GRIN2C: variants seen among roughly 807,000 people sequenced by gnomAD.
GRIN2C encodes the protein glutamate ionotropic receptor NMDA type subunit 2C.
A neutral mutation model predicts 77.7 loss-of-function variants in GRIN2C; 64 were observed. That is an observed-to-expected ratio of 0.82 (90% CI 0.67 to 1.01). The LOEUF is 1.01. Among genes scored for constraint, GRIN2C ranks in the 50% least tolerant of loss-of-function variants. The pLI, the probability that GRIN2C is intolerant of heterozygous loss-of-function variation, is 0.00. For synonymous variants in GRIN2C, 792 were observed against 643.4 expected, an observed-to-expected ratio of 1.23 and a Z score of -3.49; for missense variants, 1,549 against 1,486.0, an observed-to-expected ratio of 1.04 and a Z score of -0.70.
chr17:74,844,649 A>T, intron 11 of GRIN2C, 141 bp from the exon 12 acceptor site: 1 of 1,429,798 alleles, frequency 7.0e-7, no homozygotes, highest in Non-Finnish European at 9.2e-7. Flanking sequence ...CCACATGGGG[A>T]TCCAGCCTGG....
At chr17:74,861,362 G>C (rs902362840), upstream of GRIN2C, 2 of 152,092 alleles carry the variant, frequency 1.3e-5, no homozygotes, top group Admixed American at 1.3e-4. Context: ...TTGCTCGCGC[G>C]CCGCGGGAAC....
chr17:74,858,947 G>A (rs2037888227), intron 1 of GRIN2C, among the ~76,000 whole-genome samples: 1 of 152,118 alleles, frequency 6.6e-6, no homozygotes, highest in South Asian at 2.1e-4. Context: ...CACCTGCCTT[G>A]ATGCCTCAGG....
At chr17:74,858,435 A>G (rs559058439) in intron 1 of GRIN2C, among the ~76,000 whole-genome samples, 2 of 152,162 alleles carry the variant, frequency 1.3e-5, no homozygotes, top group South Asian at 4.1e-4. Flanking sequence ...GAATACCTCC[A>G]GAGCCAGGGG....
Position 74,851,660 on chromosome 17 carries a change from C to G in GRIN2C, c.1030G>C (p.Asp344His), listed in dbSNP as rs1248033536. 12 of 1,572,710 alleles carry G rather than the reference C, an allele frequency of 7.6e-6. No individual in the cohort carries two copies. The highest frequency in any genetic ancestry group is 1.0e-5 in the Non-Finnish European group (12 of 1,158,444). ...HLLNVTWEGR[D>H]FSFSPGGYLV... ...TACCCACCAGGGCTGAAGGAGAAGT[C>G]TCGGCCCTCCCAGGTGACATTCAGT... The change falls in exon 4 of 13, where the codon GAC becomes CAC. Residue 344 changes from aspartate (D) to histidine (H), a missense_variant. Coordinates refer to ENST00000293190, the MANE Select transcript of GRIN2C (RefSeq NM_000835.6).
chr17:74,843,264 G>T lies in GRIN2C; in HGVS notation c.2873C>A (p.Thr958Lys). ...TPDPPPEPSP[T>K]GWGPPDGGRA... is the part of the protein sequence containing the mutation. Reference sequence around the variant, plus strand: ...ACCCCCGTCTGGCGGTCCCCAGCCCGTGGGGCTCGGCTCTGGGGGCGGGTC... The same window carrying T: ...ACCCCCGTCTGGCGGTCCCCAGCCCTTGGGGCTCGGCTCTGGGGGCGGGTC... The change falls in exon 13 of 13, where the codon ACG becomes AAG. Residue 958 changes from threonine (T) to lysine (K), a missense_variant. By Grantham distance (78) the Thr-to-Lys change is moderately conservative (BLOSUM62 -1). Transcript: ENST00000293190. 1 of 876,164 alleles carries T rather than the reference G, an allele frequency of 1.1e-6. No homozygotes were observed. The highest frequency in any genetic ancestry group is 1.6e-6 in the Non-Finnish European group (1 of 622,510). The allele number at this position is 876,164 out of a possible 1,614,324, so 54.3% of individuals were successfully genotyped here. A position where few individuals can be genotyped will look rare whatever the true frequency, so the allele number is the denominator to read the frequency against.
rs1598492845 is a variant in GRIN2C at position 74,854,487 on chromosome 17, G to C, written c.399+207C>G. 9.0e-6 allele frequency: 5 copies of C among 553,886 alleles called. No individual in the cohort carries two copies. In the South Asian group the frequency reaches 1.3e-4, roughly 14 times the overall value. 34.3% of individuals were successfully genotyped at this position (553,886 alleles called of 1,614,324 possible). ...CTGCACCCTGCCCACCCCTCATCCAGACACAATGTGAGGTCAGCCCAGAAT... is the reference window on the plus strand; with the variant it reads ...CTGCACCCTGCCCACCCCTCATCCACACACAATGTGAGGTCAGCCCAGAAT... On this transcript the variant is annotated intron_variant, in intron 2 of 12. Coordinates refer to ENST00000293190, the MANE Select transcript of GRIN2C (RefSeq NM_000835.6).
At position 74,846,157 on chromosome 17, in the gene GRIN2C, G is replaced by A. The variant is rs781087998; in HGVS notation, c.2259C>T (p.Val753=). Residue 753 remains valine (V), a synonymous_variant, in exon 11 of 13, where the codon GTC becomes GTT. Transcript: ENST00000293190. This position sits in a 1 kb window ranked among gnomAD's most constrained non-coding sequence, Gnocchi z 4.4. Reference sequence around the variant, plus strand: ...CGATGCCGTAGCCAGTGGTAGCAAAGACCTTGCCAGACCCAATGGTGACCA... The same window carrying A: ...CGATGCCGTAGCCAGTGGTAGCAAAAACCTTGCCAGACCCAATGGTGACCA... The part of the protein sequence containing the change: ...CKLVTIGSGK[V]FATTGYGIAM... The A allele has an allele frequency of 6.2e-7, 1 of 1,614,174 alleles. No homozygotes were observed.
chr17:74,850,364 C>T lies in GRIN2C; in HGVS notation c.1333G>A (p.Asp445Asn). The T allele has an allele frequency of 2.5e-6, 4 of 1,611,510 alleles. No individual in the cohort carries two copies. The highest frequency in any genetic ancestry group is 2.2e-5 in the East Asian group (1 of 44,880). ...CAGAGCTTGGTGTAGGGGGCCACGTCCCCGCTGCTGCAGCCATGCCGCCAT... is the reference window on the plus strand; with the variant it reads ...CAGAGCTTGGTGTAGGGGGCCACGTTCCCGCTGCTGCAGCCATGCCGCCAT... Reference protein sequence around the residue: ...RQSNHTFSSGDVAPYTKLCCK... With the variant: ...RQSNHTFSSGNVAPYTKLCCK... Residue 445 changes from aspartate to asparagine, a missense_variant, in exon 6 of 13, where the codon GAC becomes AAC. This residue lies in a region of GRIN2C where 717 missense variants were observed against 858.1 expected (regional missense o/e 0.84). Transcript: ENST00000293190. This position sits in a 1 kb window ranked among gnomAD's most constrained non-coding sequence, Gnocchi z 5.3.
chr17:74,846,783 G>A lies in GRIN2C; in HGVS notation c.2139C>T (p.Asp713=), dbSNP rs770475644. The change falls in exon 10 of 13, where the codon GAC becomes GAT. Residue 713 remains aspartate, a synonymous_variant. Transcript: ENST00000293190. This position sits in a 1 kb window ranked among gnomAD's most constrained non-coding sequence, Gnocchi z 4.4. ...MVKFNQRSVE[D]ALTSLKMGKL... ...ACCCCATCTTGAGGCTGGTGAGCGCGTCCTCCACCGAGCGCTGGTTGAACT... is the reference window on the plus strand; with the variant it reads ...ACCCCATCTTGAGGCTGGTGAGCGCATCCTCCACCGAGCGCTGGTTGAACT... 43 of 1,613,862 alleles carry A rather than the reference G, an allele frequency of 2.7e-5. No individual in the cohort carries two copies. The highest frequency in any genetic ancestry group is 8.3e-5 in the Admixed American group (5 of 59,994).
intron 3 of GRIN2C, 74 bp from the exon 4 acceptor site, chr17:74,851,765 C>CTGCTGTCGGT: frequency 2.2e-6 from 2 of 907,030 alleles, no homozygotes; most frequent in Non-Finnish European, 3.5e-6. Context: ...CCGCCGCCAC[C>CTGCTGTCGGT]GACAGCAGGT....
Position 74,846,286 on chromosome 17 carries a change from C to G in GRIN2C, c.2163-33G>C. The stretch of plus-strand genomic sequence containing the variant: ...CAGGCTGAGCCTCAGAGCTAGGGAC[C>G]ATATGGGAGGGGAGGGGACACCGAA... On this transcript the variant is annotated intron_variant, in intron 10 of 12. Transcript: ENST00000293190. The surrounding 1 kb of genome is among the most constrained non-coding windows in gnomAD (Gnocchi z 4.4). 6.3e-7 allele frequency: 1 copy of G among 1,596,534 alleles called. No individual in the cohort carries two copies. The highest frequency in any genetic ancestry group is 1.1e-5 in the South Asian group (1 of 90,682).
chr17:74,852,203 G>A lies in GRIN2C; in HGVS notation c.808C>T (p.Pro270Ser), dbSNP rs1214872385. Reference sequence around the variant, plus strand: ...GTGACGACGCTGATGAGGCCCACGGGGAAGGTGGCGGGGGGCGCATCGGTG... The same window carrying A: ...GTGACGACGCTGATGAGGCCCACGGAGAAGGTGGCGGGGGGCGCATCGGTG... ...GSTDAPPATF[P>S]VGLISVVTES... The change falls in exon 3 of 13, where the codon CCC (proline) becomes TCC (serine). Residue 270 changes from proline to serine, a missense_variant. Transcript: ENST00000293190. 2 of 1,451,922 alleles carry A rather than the reference G, an allele frequency of 1.4e-6. No homozygotes were observed. Among genetic ancestry groups the A allele is most frequent in the African/African-American group, 1.5e-5 (1 of 67,698 alleles). The allele number at this position is 1,451,922 out of a possible 1,614,324, so 89.9% of individuals were successfully genotyped here.
intron 7 of GRIN2C, among the ~76,000 whole-genome samples, chr17:74,848,235 C>T (rs940475823): frequency 6.6e-5 from 10 of 151,986 alleles, no homozygotes; most frequent in Admixed American, 5.2e-4. Context: ...CCCCAAGAAA[C>T]GTTCCTTTGA....
Position 74,849,154 on chromosome 17 carries a change from C to T in GRIN2C, c.1645+626G>A, listed in dbSNP as rs764500317. Among the ~76,000 whole-genome samples, 3 of 151,980 alleles carry T rather than the reference C, an allele frequency of 2.0e-5. No homozygotes were observed. Among genetic ancestry groups the T allele is most frequent in the Non-Finnish European group, 2.9e-5 (2 of 67,960 alleles). On this transcript the variant is annotated intron_variant, in intron 7 of 12. Coordinates refer to ENST00000293190, the MANE Select transcript of GRIN2C (RefSeq NM_000835.6). The surrounding 1 kb of genome is among the most constrained non-coding windows in gnomAD (Gnocchi z 4.6). ...TTCCTCTCTTCCGTGGCTGAGGAGC[C>T]TGCTCAGAGAGGTTCTGTGACTTGC...
chr17:74,846,810 G>C lies in GRIN2C; in HGVS notation c.2112C>G (p.Val704=). ...SNYRDMHTHM[V]KFNQRSVEDA... is the part of the protein sequence containing the mutation. Reference sequence around the variant, plus strand: ...CCTCCACCGAGCGCTGGTTGAACTTGACCATGTGGGTGTGCATGTCACGGT... The same window carrying C: ...CCTCCACCGAGCGCTGGTTGAACTTCACCATGTGGGTGTGCATGTCACGGT... The change falls in exon 10 of 13, where the codon GTC becomes GTG. Residue 704 remains valine, a synonymous_variant. Coordinates refer to ENST00000293190, the MANE Select transcript of GRIN2C (RefSeq NM_000835.6). The surrounding 1 kb of genome is among the most constrained non-coding windows in gnomAD (Gnocchi z 4.4). The C allele has an allele frequency of 1.2e-6, 2 of 1,614,142 alleles. No homozygotes were observed. The highest frequency in any genetic ancestry group is 1.7e-6 in the Non-Finnish European group (2 of 1,180,028).
At chr17:74,857,498 G>T (rs921402866) in intron 1 of GRIN2C, among the ~76,000 whole-genome samples, 1 of 152,144 alleles carries the variant, frequency 6.6e-6, no homozygotes, top group East Asian at 1.9e-4. Flanking sequence ...TTTGAGTCTG[G>T]CAAGGGATCG....
rs2037761540 is a variant in GRIN2C at position 74,854,699 on chromosome 17, G to C, written c.394C>G (p.Pro132Ala). Residue 132 changes from proline (P) to alanine (A), a missense_variant, in exon 2 of 13, where the codon CCC becomes GCC. By Grantham distance (27) the Pro-to-Ala change is conservative. This residue lies in a region of GRIN2C where 382 missense variants were observed against 360.0 expected (regional missense o/e 1.06). Transcript: ENST00000293190. ...ACATGAGTTTGGACATGCACCTTGG[G>C]GGTGAGGACCACAGCAGAGCCTCCG... ...ISGGSAVVLT[P>A]KEPGSAFLQL... The C allele has an allele frequency of 6.2e-7, 1 of 1,605,410 alleles. No individual in the cohort carries two copies. The highest frequency in any genetic ancestry group is 2.2e-5 in the East Asian group (1 of 44,578).
chr17:74,851,527 G>A (rs964073449), intron 4 of GRIN2C, 50 bp downstream of exon 4: 3 of 1,057,034 alleles, frequency 2.8e-6, no homozygotes, highest in Admixed American at 2.0e-5. Context: ...AGAGGAGGCG[G>A]GGACAAAATA....
rs371874161 is a variant in GRIN2C, at chr17:74,850,635, C to T, written c.1246G>A (p.Val416Met). The change falls in exon 5 of 13, where the codon GTG becomes ATG. Residue 416 changes from valine to methionine, a missense_variant. Coordinates refer to ENST00000293190, the MANE Select transcript of GRIN2C (RefSeq NM_000835.6). The surrounding 1 kb of genome is among the most constrained non-coding windows in gnomAD (Gnocchi z 5.3). ...ATLEERPFVI[V>M]ESPDPGTGGC... Reference sequence around the variant, plus strand: ...CCTGTGCCAGGGTCAGGGCTCTCCACGATGACAAAGGGCCGCTCTTCCAGC... The same window carrying T: ...CCTGTGCCAGGGTCAGGGCTCTCCATGATGACAAAGGGCCGCTCTTCCAGC... The T allele has an allele frequency of 1.2e-5, 20 of 1,613,596 alleles. No individual in the cohort carries two copies. Among genetic ancestry groups the T allele is most frequent in the South Asian group, 9.9e-5 (9 of 91,092 alleles).
Sources: gnomAD v4.1 joint callset for allele counts (sites outside exome capture counted in the v4.1 genomes callset) on GRCh38, gnomAD v4.1.1 for gene constraint, gnomAD v4.1.1 regional missense constraint, Gnocchi (gnomAD v3.1) non-coding constraint, MANE v1.5 for transcripts, NCBI Gene and HGNC (gene_info 2026-07-23, HGNC 2026-07-21) for gene names.